The following ITGA9 variants were observed in gnomAD, a reference collection of about 807,000 sequenced individuals.
ITGA9 encodes the protein integrin alpha-9.
ITGA9 carries 56 observed loss-of-function variants against 127.8 expected under a neutral mutation model. That is an observed-to-expected ratio of 0.44 (90% CI 0.35 to 0.55). The LOEUF (loss-of-function observed/expected upper bound fraction) is 0.55. Among genes scored for constraint, ITGA9 ranks in the 20% least tolerant of loss-of-function variants. The pLI is 0.00. For missense variants in ITGA9, 1,196 were observed against 1,347.1 expected, an observed-to-expected ratio of 0.89 and a Z score of 1.76; for synonymous variants, 508 against 514.5, an observed-to-expected ratio of 0.99 and a Z score of 0.17.
intron 19 of ITGA9, among the ~76,000 whole-genome samples, chr3:37,735,114 C>G (rs1696343813): frequency 6.6e-6 from 1 of 152,238 alleles, no homozygotes; most frequent in Non-Finnish European, 1.5e-5. Flanking sequence ...CCATGTATTT[C>G]TCTCTCTCAC....
At chr3:37,757,214 C>T (rs956546635) in intron 23 of ITGA9, among the ~76,000 whole-genome samples, 22 of 151,824 alleles carry the variant, frequency 1.4e-4, no homozygotes, top group African/African-American at 5.1e-4. Flanking sequence ...AAGTATTCCA[C>T]ATTAGCAAAA....
At position 37,673,271 on chromosome 3, in the gene ITGA9, T is replaced by C. The variant is rs189852607; in HGVS notation, c.1917-10594T>C. On this transcript the variant is annotated intron_variant, in intron 17 of 27. Transcript: ENST00000264741. Reference sequence around the variant, plus strand: ...GACAGTGAGCTCCAACTACAACCTATTCCAAGCTGAGAGTAATGGACTGAG... The same window carrying C: ...GACAGTGAGCTCCAACTACAACCTACTCCAAGCTGAGAGTAATGGACTGAG... 5.3e-5 allele frequency among the ~76,000 whole-genome samples: 8 copies of C among 152,276 alleles called. No individual in the cohort carries two copies. In the East Asian group the frequency reaches 1.5e-3, roughly 29 times the overall value.
chr3:37,459,440 A>T (rs529122490), intron 1 of ITGA9, among the ~76,000 whole-genome samples: 9 of 152,346 alleles, frequency 5.9e-5, no homozygotes, highest in Non-Finnish European at 1.0e-4. Flanking sequence ...TCACACAGTG[A>T]AAGGGATGAG....
intron 4 of ITGA9, among the ~76,000 whole-genome samples, chr3:37,485,478 C>G (rs1476776196): frequency 3.3e-5 from 5 of 152,058 alleles, no homozygotes; most frequent in Admixed American, 3.3e-4. Flanking sequence ...TGCTGTGATG[C>G]CTCCACTGCA....
chr3:37,539,430 G>C (rs1699244477), intron 14 of ITGA9, among the ~76,000 whole-genome samples: 1 of 152,186 alleles, frequency 6.6e-6, no homozygotes, highest in Non-Finnish European at 1.5e-5. Context: ...TGATTTTCAG[G>C]AATTGGGTTG....
Position 37,542,563 on chromosome 3 carries a change from G to A in ITGA9, c.1667G>A (p.Arg556His), listed in dbSNP as rs145528100. 1.3e-4 allele frequency: 207 copies of A among 1,614,124 alleles called. 1 individual carries two copies. The highest frequency in any genetic ancestry group is 9.2e-4 in the South Asian group (84 of 91,070). Reference protein sequence around the residue: ...LQLTYMEETCRHYVAHVKRRV... With the variant: ...LQLTYMEETCHHYVAHVKRRV... ...CTGACTTACATGGAGGAGACGTGTC[G>A]TCACTATGTGGCCCATGTGAAGGTC... The change falls in exon 15 of 28, where the codon CGT (arginine) becomes CAT (histidine). Residue 556 changes from arginine to histidine, a missense_variant. Physicochemically the swap from Arg to His is conservative, Grantham distance 29. Coordinates refer to ENST00000264741, the MANE Select transcript of ITGA9 (RefSeq NM_002207.3).
intron 8 of ITGA9, among the ~76,000 whole-genome samples, chr3:37,512,976 A>G (rs1468875894): frequency 6.6e-6 from 1 of 152,178 alleles, no homozygotes; most frequent in Non-Finnish European, 1.5e-5. Flanking sequence ...CTGTTCCCTC[A>G]TCAGTTAAAC....
intron 3 of ITGA9, among the ~76,000 whole-genome samples, chr3:37,474,488 G>T (rs1698469801): frequency 6.6e-6 from 1 of 152,136 alleles, no homozygotes; most frequent in Non-Finnish European, 1.5e-5. Flanking sequence ...GCTTTTCTAT[G>T]AGGTATAATA....
chr3:37,783,280 A>G (rs932754130), intron 25 of ITGA9, among the ~76,000 whole-genome samples: 2 of 152,092 alleles, frequency 1.3e-5, no homozygotes, highest in Admixed American at 6.6e-5. Context: ...AACGTTGGCA[A>G]TTATCATCAT....
chr3:37,628,185 A>G (rs1287814046), intron 15 of ITGA9, among the ~76,000 whole-genome samples: 1 of 151,572 alleles, frequency 6.6e-6, no homozygotes, highest in African/African-American at 2.4e-5. Flanking sequence ...CTCCCCAGGG[A>G]CTCGGCTGTT....
chr3:37,759,601 G>A (rs1268169631), intron 23 of ITGA9, among the ~76,000 whole-genome samples: 1 of 152,152 alleles, frequency 6.6e-6, no homozygotes, highest in African/African-American at 2.4e-5. Context: ...GGAAATTCTG[G>A]AATTGAAAGT....
intron 17 of ITGA9, among the ~76,000 whole-genome samples, chr3:37,665,498 G>A (rs1559561924): frequency 6.6e-6 from 1 of 151,942 alleles, no homozygotes; most frequent in African/African-American, 2.4e-5. Flanking sequence ...TGCCCAGGCT[G>A]GAGTACAGTG....
At chr3:37,585,364 C>T in intron 15 of ITGA9, among the ~76,000 whole-genome samples, 1 of 152,176 alleles carries the variant, frequency 6.6e-6, no homozygotes, top group East Asian at 1.9e-4. Context: ...TCTCTTCTAG[C>T]CTGAAGAGCC....
In ITGA9 at chr3:37,820,788, C is replaced by T. The variant is rs1697504283; in HGVS notation, c.*1799C>T. 6.6e-6 allele frequency: 1 copy of T among 152,212 alleles called. No homozygotes were observed. Among genetic ancestry groups the T allele is most frequent in the Non-Finnish European group, 1.5e-5 (1 of 68,034 alleles). 9.4% of individuals were successfully genotyped at this position (152,212 alleles called of 1,614,324 possible). On this transcript the variant is annotated 3_prime_UTR_variant, in exon 28 of 28. Transcript: ENST00000264741. ...TTACAGCCTGCCAAAGTGCCAGCTA[C>T]ATACACATGGCATCCAGTGCGGATG...
intron 18 of ITGA9, among the ~76,000 whole-genome samples, chr3:37,693,667 G>A (rs1394059534): frequency 6.6e-6 from 1 of 152,170 alleles, no homozygotes; most frequent in African/African-American, 2.4e-5. Context: ...GCTTTGGCCT[G>A]TTTTTAGACA....
chr3:37,551,484 T>C (rs1229703872), intron 15 of ITGA9, among the ~76,000 whole-genome samples: 1 of 152,230 alleles, frequency 6.6e-6, no homozygotes, highest in Non-Finnish European at 1.5e-5. Flanking sequence ...TCTGGTTTTC[T>C]TGCTTTGTGC....
chr3:37,756,981 G>A (rs754977930), intron 23 of ITGA9, among the ~76,000 whole-genome samples: 1 of 149,236 alleles, frequency 6.7e-6, no homozygotes, highest in African/African-American at 2.6e-5. Flanking sequence ...AAGACAGTGA[G>A]CGGTTGTTCA....
intron 15 of ITGA9, among the ~76,000 whole-genome samples, chr3:37,625,255 T>C (rs1700165547): frequency 6.6e-6 from 1 of 152,184 alleles, no homozygotes; most frequent in African/African-American, 2.4e-5. Flanking sequence ...CTGGTATGTG[T>C]TGCACTGCGT....
intron 23 of ITGA9, among the ~76,000 whole-genome samples, chr3:37,772,069 A>C (rs2685097): frequency 0.98 from 149,647 of 152,226 alleles, 73,609 homozygotes; most frequent in Middle Eastern, 1. Flanking sequence ...CTCTGGTTGT[A>C]ATTGGGCCTC....
Sources: allele counts gnomAD v4.1 joint callset (sites outside exome capture counted in the v4.1 genomes callset), GRCh38; gene constraint gnomAD v4.1.1; transcripts MANE v1.5; gene names NCBI Gene and HGNC (gene_info 2026-07-23, HGNC 2026-07-21).